The following DPYD variants were observed in gnomAD, a reference collection of about 807,000 sequenced individuals.
The protein encoded by DPYD is dihydropyrimidine dehydrogenase.
DPYD carries 109 observed loss-of-function variants against 116.2 expected under a neutral mutation model. The observed-to-expected ratio is 0.94, with a 90% CI of 0.80 to 1.10. DPYD has a LOEUF of 1.10. DPYD is among the 50% of genes least tolerant of loss of function. The pLI is 0.00. For synonymous variants in DPYD, 440 were observed against 432.0 expected, an observed-to-expected ratio of 1.02 and a Z score of -0.23; for missense variants, 1,302 against 1,254.5, an observed-to-expected ratio of 1.04 and a Z score of -0.57.
chr1:97,547,074 T>G (rs898664929), intron 12 of DPYD: 1 of 968,018 alleles, frequency 1.0e-6, no homozygotes, highest in Non-Finnish European at 1.7e-6. Flanking sequence ...GGAGGTGTAG[T>G]TTTTTTACTC....
At chr1:97,801,780 C>G (rs1371935448) in intron 3 of DPYD, among the ~76,000 whole-genome samples, 1 of 151,698 alleles carries the variant, frequency 6.6e-6, no homozygotes, top group Non-Finnish European at 1.5e-5. Flanking sequence ...TATGGTTTGC[C>G]TCCTCTCCCT....
chr1:97,249,599 A>T (rs12069661), intron 18 of DPYD, among the ~76,000 whole-genome samples: 16,925 of 148,954 alleles, frequency 0.11, 1,183 homozygotes, highest in East Asian at 0.33. Context: ...CGACTAATTT[A>T]AAAAAAAAAT....
chr1:97,629,468 G>C (rs1337522), intron 8 of DPYD, among the ~76,000 whole-genome samples: 1 of 151,870 alleles, frequency 6.6e-6, no homozygotes, highest in African/African-American at 2.4e-5. Context: ...ATCATTCATC[G>C]TTTGAAGGCT....
At chr1:97,206,536 G>A (rs1264223278) in intron 19 of DPYD, among the ~76,000 whole-genome samples, 1 of 149,842 alleles carries the variant, frequency 6.7e-6, no homozygotes, top group Non-Finnish European at 1.5e-5. Flanking sequence ...TTCTGGCTCA[G>A]TTTGCCCACA....
intron 10 of DPYD, chr1:97,585,712 A>G (rs1654045705): frequency 6.6e-6 from 1 of 152,192 alleles, no homozygotes; most frequent in South Asian, 2.1e-4. Context: ...TTACTTTTTA[A>G]TATTTTCATT....
At chr1:97,828,410 T>C (rs1158653951) in intron 2 of DPYD, among the ~76,000 whole-genome samples, 1 of 152,130 alleles carries the variant, frequency 6.6e-6, no homozygotes, top group Non-Finnish European at 1.5e-5. Flanking sequence ...AGAAGTCTCA[T>C]TATCAATTTT....
intron 14 of DPYD, among the ~76,000 whole-genome samples, chr1:97,403,096 C>T (rs1354414137): frequency 1.3e-5 from 2 of 151,838 alleles, no homozygotes; most frequent in East Asian, 1.9e-4. Flanking sequence ...GCTGTCAGTG[C>T]AATTATTAGG....
chr1:97,423,268 G>C (rs1429171329), intron 14 of DPYD, among the ~76,000 whole-genome samples: 1 of 152,076 alleles, frequency 6.6e-6, no homozygotes, highest in Non-Finnish European at 1.5e-5. Flanking sequence ...GAACAGCACT[G>C]AATTCTTGAT....
rs145807487 is a variant in DPYD, at chr1:97,805,131, C to T, written c.233+22983G>A. Among the ~76,000 whole-genome samples the T allele has an allele frequency of 3.4e-4, 52 of 151,898 alleles. No homozygotes were observed. In the East Asian group the frequency reaches 6.0e-3, roughly 17 times the overall value. On this transcript the variant is annotated intron_variant, in intron 3 of 22. Coordinates refer to ENST00000370192, the MANE Select transcript of DPYD (RefSeq NM_000110.4). Reference sequence around the variant, plus strand: ...GCAGAACCCTGGGAATGTAGGAGACCAACTAAAAGGCAAAGCAAATGAATT... The same window carrying T: ...GCAGAACCCTGGGAATGTAGGAGACTAACTAAAAGGCAAAGCAAATGAATT...
chr1:97,372,404 G>A (rs1002312852), intron 16 of DPYD, among the ~76,000 whole-genome samples: 4 of 151,816 alleles, frequency 2.6e-5, no homozygotes, highest in Non-Finnish European at 4.4e-5. Flanking sequence ...TAAAAGTCAC[G>A]ATTCAATGTC....
chr1:97,082,037 T>C lies in DPYD; in HGVS notation c.2907+293A>G, dbSNP rs561422310. On this transcript the variant is annotated intron_variant, in intron 22 of 22. Coordinates refer to ENST00000370192, the MANE Select transcript of DPYD (RefSeq NM_000110.4). ...ATAATGCTTTCCTAGTATTCCTAATTTTGTGTGCATTTCTCTTTTCAGTTG... is the reference window on the plus strand; with the variant it reads ...ATAATGCTTTCCTAGTATTCCTAATCTTGTGTGCATTTCTCTTTTCAGTTG... 4.6e-5 allele frequency among the ~76,000 whole-genome samples: 7 copies of C among 152,234 alleles called. No homozygotes were observed. In the East Asian group the frequency reaches 1.4e-3, roughly 29 times the overall value.
At chr1:97,161,561 AAATTT>A (rs993756974) in intron 20 of DPYD, among the ~76,000 whole-genome samples, 4 of 151,736 alleles carry the variant, frequency 2.6e-5, no homozygotes, top group African/African-American at 4.8e-5. Context: ...AGTCTTTTTT[AAATTT>A]AATTTAATTT....
intron 8 of DPYD, among the ~76,000 whole-genome samples, chr1:97,615,369 G>C (rs1449673613): frequency 1.3e-5 from 2 of 152,030 alleles, no homozygotes; most frequent in African/African-American, 4.8e-5. Flanking sequence ...ACACTATGCT[G>C]GGTGTCGGGA....
chr1:97,865,495 A>G (rs61787784), intron 2 of DPYD, among the ~76,000 whole-genome samples: 11,692 of 151,984 alleles, frequency 0.077, 551 homozygotes, highest in South Asian at 0.11. Flanking sequence ...CTTTCCATCT[A>G]CATTTTCTTA....
chr1:97,763,365 TG>T (rs1206330873), intron 3 of DPYD, among the ~76,000 whole-genome samples: 10 of 152,018 alleles, frequency 6.6e-5, no homozygotes, highest in Admixed American at 4.6e-4. Context: ...ATGCAACCAA[TG>T]TTTTTTTTTA....
intron 18 of DPYD, among the ~76,000 whole-genome samples, chr1:97,286,882 G>T (rs190431030): frequency 6.6e-6 from 1 of 152,132 alleles, no homozygotes; most frequent in Non-Finnish European, 1.5e-5. Context: ...CCTGTAGCTC[G>T]GAGTAGTTTG....
intron 1 of DPYD, among the ~76,000 whole-genome samples, chr1:97,900,977 T>C (rs983218600): frequency 2.0e-5 from 3 of 151,880 alleles, no homozygotes; most frequent in African/African-American, 7.3e-5. Flanking sequence ...CAACTTTTTA[T>C]CAAAATTTTA....
At chr1:97,295,563 T>C (rs1879373) in intron 18 of DPYD, 86,617 of 156,212 alleles carry the variant, frequency 0.55, 25,883 homozygotes, top group Admixed American at 0.66. Context: ...CAGGAGTAGC[T>C]GGGACTACAG....
At chr1:97,840,433 G>A (rs1397608617) in intron 2 of DPYD, among the ~76,000 whole-genome samples, 1 of 152,072 alleles carries the variant, frequency 6.6e-6, no homozygotes, top group South Asian at 2.1e-4. Flanking sequence ...CTGAATAACT[G>A]GTTGAAAATG....
Sources: gnomAD v4.1 joint callset for allele counts (sites outside exome capture counted in the v4.1 genomes callset) on GRCh38, gnomAD v4.1.1 for gene constraint, MANE v1.5 for transcripts, NCBI Gene and HGNC (gene_info 2026-07-23, HGNC 2026-07-21) for gene names.